The following HMGA1 variants were observed in gnomAD, a reference collection of about 807,000 sequenced individuals.
HMGA1 encodes high mobility group AT-hook 1, also known as high mobility group protein HMG-I/HMG-Y.
In HMGA1, 1 loss-of-function variant was observed where a neutral mutation model predicts 15.1. That is an observed-to-expected ratio of 0.07 (90% CI 0.02 to 0.31). The LOEUF is 0.31. Among genes scored for constraint, HMGA1 ranks in the 10% least tolerant of loss-of-function variants. The pLI is 1.00. For synonymous variants in HMGA1, 56 were observed against 54.8 expected (o/e 1.02, Z -0.10); for missense variants, 94 against 141.4 (o/e 0.66, Z 1.70).
At position 34,245,433 on chromosome 6, in the gene HMGA1, A is replaced by G. The variant is rs1304923963; in HGVS notation, c.*549A>G. 6 of 1,368,170 alleles carry G rather than the reference A, an allele frequency of 4.4e-6. No homozygotes were observed. The highest frequency in any genetic ancestry group is 5.8e-6 in the Non-Finnish European group (6 of 1,035,560). The allele number at this position is 1,368,170 out of a possible 1,614,324, so 84.8% of individuals were successfully genotyped here. A position where few individuals can be genotyped will look rare whatever the true frequency, so the allele number is the denominator to read the frequency against. On this transcript the variant is annotated 3_prime_UTR_variant, in exon 6 of 6. Transcript: ENST00000311487. ...CTGGCCCCCAGGATTCCCCCAGCCA[A>G]ACTGTCTTTGTCACCACGTGGGGCT...
chr6:34,239,865 A>G (rs1450593142), intron 2 of HMGA1, among the ~76,000 whole-genome samples: 1 of 152,066 alleles, frequency 6.6e-6, no homozygotes, highest in Non-Finnish European at 1.5e-5. Context: ...AATGACCAAG[A>G]AGGTTTTAGG....
At chr6:34,240,308 C>T (rs371833599) in intron 2 of HMGA1, among the ~76,000 whole-genome samples, 13 of 152,170 alleles carry the variant, frequency 8.5e-5, no homozygotes, top group Admixed American at 2.6e-4. Flanking sequence ...CACTGAACTG[C>T]GTAGGCTGGA....
At chr6:34,241,563 G>A (rs1008327169) in intron 3 of HMGA1, among the ~76,000 whole-genome samples, 1 of 152,198 alleles carries the variant, frequency 6.6e-6, no homozygotes, top group African/African-American at 2.4e-5. Flanking sequence ...CAGAACCCTG[G>A]TGCTGCTCTC....
In HMGA1 at chr6:34,245,354, C is replaced by T; in HGVS notation, c.*470C>T. 1 of 1,360,336 alleles carries T rather than the reference C, an allele frequency of 7.4e-7. No homozygotes were observed. Among genetic ancestry groups the T allele is most frequent in the Admixed American group, 2.2e-5 (1 of 45,208 alleles). 84.3% of individuals were successfully genotyped at this position (1,360,336 alleles called of 1,614,324 possible). The stretch of plus-strand genomic sequence containing the variant: ...GGGCCCAAGCCCCATCTCATCCTGG[C>T]ACGCCCTACTCCACTGCCCTGGCAG... On this transcript the variant is annotated 3_prime_UTR_variant, in exon 6 of 6. Transcript: ENST00000311487.
At chr6:34,237,654 C>T (rs1223752377) in intron 2 of HMGA1, among the ~76,000 whole-genome samples, 1 of 145,168 alleles carries the variant, frequency 6.9e-6, no homozygotes, top group African/African-American at 2.5e-5. Context: ...AGGAGCCCGG[C>T]GCACCTCGCG....
At chr6:34,237,794 C>T (rs911602837) in intron 2 of HMGA1, among the ~76,000 whole-genome samples, 1 of 151,670 alleles carries the variant, frequency 6.6e-6, no homozygotes, top group African/African-American at 2.4e-5. Context: ...CAGGGAAGTT[C>T]TGGAAGTGAG....
At chr6:34,238,094 C>CT (rs1026444201) in intron 2 of HMGA1, among the ~76,000 whole-genome samples, 2 of 152,172 alleles carry the variant, frequency 1.3e-5, no homozygotes, top group Non-Finnish European at 2.9e-5. Context: ...AGGGAGGGGG[C>CT]TTTCTTCCTC....
In HMGA1 at chr6:34,245,865, GTT is replaced by G. The variant is rs1254094588; in HGVS notation, c.*986_*987del. Reference sequence around the variant, plus strand: ...CAAACTACCTCTGGACAGTTGTGTTGTTTTTTGTTCAATGTTCCATTCTTCGA... The same window carrying G: ...CAAACTACCTCTGGACAGTTGTGTTGTTTTGTTCAATGTTCCATTCTTCGA... On this transcript the variant is annotated 3_prime_UTR_variant, in exon 6 of 6. Coordinates refer to ENST00000311487, the MANE Select transcript of HMGA1 (RefSeq NM_145899.3). 1 of 337,700 alleles carries G rather than the reference GTT, an allele frequency of 3.0e-6. No homozygotes were observed. The highest frequency in any genetic ancestry group is 2.2e-5 in the African/African-American group (1 of 46,332). The allele number at this position is 337,700 out of a possible 1,614,324, so 20.9% of individuals were successfully genotyped here.
In HMGA1 at chr6:34,245,079, C is replaced by T; in HGVS notation, c.*195C>T. 3.3e-6 allele frequency: 5 copies of T among 1,527,540 alleles called. No individual in the cohort carries two copies. The highest frequency in any genetic ancestry group is 4.4e-6 in the Non-Finnish European group (5 of 1,137,940). The allele number at this position is 1,527,540 out of a possible 1,614,324, so 94.6% of individuals were successfully genotyped here. On this transcript the variant is annotated 3_prime_UTR_variant, in exon 6 of 6. Transcript: ENST00000311487. Reference sequence around the variant, plus strand: ...CCAGCCGCTGCAGGGCTCCCATGGGCTGAGTGGGGAGCAGTTTTCCCCTGG... The same window carrying T: ...CCAGCCGCTGCAGGGCTCCCATGGGTTGAGTGGGGAGCAGTTTTCCCCTGG...
At chr6:34,240,212 C>T (rs1333521804) in intron 2 of HMGA1, among the ~76,000 whole-genome samples, 9 of 152,176 alleles carry the variant, frequency 5.9e-5, no homozygotes, top group Non-Finnish European at 8.8e-5. Flanking sequence ...TTGCACCTTG[C>T]CAGATAGGCA....
chr6:34,245,436 T>C lies in HMGA1; in HGVS notation c.*552T>C. 7.3e-7 allele frequency: 1 copy of C among 1,369,438 alleles called. No homozygotes were observed. The highest frequency in any genetic ancestry group is 9.7e-7 in the Non-Finnish European group (1 of 1,036,054). 84.8% of individuals were successfully genotyped at this position (1,369,438 alleles called of 1,614,324 possible). On this transcript the variant is annotated 3_prime_UTR_variant, in exon 6 of 6. Transcript: ENST00000311487. ...GCCCCCAGGATTCCCCCAGCCAAACTGTCTTTGTCACCACGTGGGGCTCAC... is the reference window on the plus strand; with the variant it reads ...GCCCCCAGGATTCCCCCAGCCAAACCGTCTTTGTCACCACGTGGGGCTCAC...
At chr6:34,242,326 C>T (rs1762376026) in intron 3 of HMGA1, among the ~76,000 whole-genome samples, 2 of 152,044 alleles carry the variant, frequency 1.3e-5, no homozygotes, top group Admixed American at 6.5e-5. Flanking sequence ...TCCATGACAC[C>T]CTGCAAGGGA....
At chr6:34,239,257 C>T (rs1183929366) in intron 2 of HMGA1, among the ~76,000 whole-genome samples, 2 of 151,264 alleles carry the variant, frequency 1.3e-5, no homozygotes, top group African/African-American at 4.9e-5. Flanking sequence ...GGGGTAAAAA[C>T]TCTTTTTCTT....
rs749344622 is a variant in HMGA1, at chr6:34,244,843, G to A, written c.283G>A (p.Glu95Lys). ...GCCCACCTCACAGGAGAAGGAGGAA[G>A]AGGAGGGCATCTCGCAGGAGTCCTC... is the stretch of plus-strand genomic sequence containing the variant. The part of the protein sequence containing the change: ...GRPKKLEKEE[E>K]EGISQESSEE... The change falls in exon 6 of 6, where the codon GAG becomes AAG. Residue 95 changes from glutamate to lysine, a missense_variant. By Grantham distance (56) the Glu-to-Lys change is moderately conservative. Coordinates refer to ENST00000311487, the MANE Select transcript of HMGA1 (RefSeq NM_145899.3). 1.9e-6 allele frequency: 3 copies of A among 1,572,354 alleles called. No homozygotes were observed.
At chr6:34,241,560 CT>C (rs1762311026) in intron 3 of HMGA1, among the ~76,000 whole-genome samples, 1 of 152,218 alleles carries the variant, frequency 6.6e-6, no homozygotes, top group Non-Finnish European at 1.5e-5. Context: ...CCTCAGAACC[CT>C]GGTGCTGCTC....
Position 34,245,423 on chromosome 6 carries a change from C to T in HMGA1, c.*539C>T, listed in dbSNP as rs1478807012. 15 of 1,362,862 alleles carry T rather than the reference C, an allele frequency of 1.1e-5. No individual in the cohort carries two copies. Among genetic ancestry groups the T allele is most frequent in the Admixed American group, 4.4e-5 (2 of 45,318 alleles). 84.4% of individuals were successfully genotyped at this position (1,362,862 alleles called of 1,614,324 possible). ...GAGGGGGGTGCTGGCCCCCAGGATT[C>T]CCCCAGCCAAACTGTCTTTGTCACC... On this transcript the variant is annotated 3_prime_UTR_variant, in exon 6 of 6. Coordinates refer to ENST00000311487, the MANE Select transcript of HMGA1 (RefSeq NM_145899.3).
At chr6:34,238,165 G>A (rs1197976672) in intron 2 of HMGA1, among the ~76,000 whole-genome samples, 2 of 152,148 alleles carry the variant, frequency 1.3e-5, no homozygotes, top group Non-Finnish European at 2.9e-5. Context: ...GCCCCCTCTG[G>A]CAGGAAGTGG....
intron 2 of HMGA1, among the ~76,000 whole-genome samples, chr6:34,239,268 CTT>C (rs113644738): frequency 1.4e-5 from 2 of 144,794 alleles, no homozygotes; most frequent in African/African-American, 2.5e-5. Flanking sequence ...TCTTTTTCTT[CTT>C]TTTTTTTTTT....
chr6:34,244,051 G>T (rs575827095), intron 5 of HMGA1, among the ~76,000 whole-genome samples: 9 of 151,914 alleles, frequency 5.9e-5, no homozygotes, highest in Admixed American at 5.2e-4. Flanking sequence ...TCAAGAAGCT[G>T]CCTCTAGGGG....
Sources: gnomAD v4.1 joint callset for allele counts (sites outside exome capture counted in the v4.1 genomes callset) on GRCh38, gnomAD v4.1.1 for gene constraint, MANE v1.5 for transcripts, NCBI Gene and HGNC (gene_info 2026-07-23, HGNC 2026-07-21) for gene names.